The following EGLN1 variants were observed in gnomAD, a reference collection of about 807,000 sequenced individuals.
EGLN1 encodes egl-9 family hypoxia inducible factor 1.
In EGLN1, 17 loss-of-function variants were observed where a neutral mutation model predicts 38.3. The ratio of observed to expected loss-of-function variants is 0.44; its 90% confidence interval spans 0.30 to 0.67. EGLN1 has a LOEUF of 0.67. Among genes scored for constraint, EGLN1 ranks in the 30% least tolerant of loss-of-function variants. The pLI is 0.08. For synonymous variants in EGLN1, 283 were observed against 257.5 expected, an observed-to-expected ratio of 1.10 and a Z score of -0.95; for missense variants, 477 against 603.3, an observed-to-expected ratio of 0.79 and a Z score of 2.19.
At chr1:231,374,229 TAGATA>T (rs1341659104) in intron 1 of EGLN1, 130 bp from the exon 2 acceptor site, 45 of 828,556 alleles carry the variant, frequency 5.4e-5, no homozygotes, top group Middle Eastern at 3.4e-4. Flanking sequence ...TAATATTTTG[TAGATA>T]AGATAAGGCT....
chr1:231,381,528 C>T lies in EGLN1; in HGVS notation c.892-7429G>A, dbSNP rs538836659. Among the ~76,000 whole-genome samples, 17 of 152,218 alleles carry T rather than the reference C, an allele frequency of 1.1e-4. No homozygotes were observed. In the South Asian group the frequency reaches 2.1e-3, roughly 19 times the overall value. ...AATAATCTAACACCAAACTACTTTC[C>T]TTATTAGGCTCTAATTCTAGCCCAT... On this transcript the variant is annotated intron_variant, in intron 1 of 4. Coordinates refer to ENST00000366641, the MANE Select transcript of EGLN1 (RefSeq NM_022051.3).
intron 1 of EGLN1, among the ~76,000 whole-genome samples, chr1:231,414,005 T>C (rs1279739625): frequency 6.6e-6 from 1 of 152,202 alleles, no homozygotes; most frequent in Non-Finnish European, 1.5e-5. Context: ...GAGTTTTGAC[T>C]ACGAAATAAG....
chr1:231,410,481 G>T (rs549497389), intron 1 of EGLN1, among the ~76,000 whole-genome samples: 1 of 152,188 alleles, frequency 6.6e-6, no homozygotes, highest in African/African-American at 2.4e-5. Flanking sequence ...GGCAGAAGAT[G>T]TAGCTAGACT....
chr1:231,408,630 C>T (rs1401262977), intron 1 of EGLN1, among the ~76,000 whole-genome samples: 2 of 152,212 alleles, frequency 1.3e-5, no homozygotes, highest in Middle Eastern at 3.4e-3. Flanking sequence ...AAATATAATA[C>T]TTACTGAGTC....
intron 1 of EGLN1, chr1:231,420,106 A>G (rs906445005): frequency 1.3e-5 from 2 of 152,220 alleles, no homozygotes; most frequent in African/African-American, 2.4e-5. Flanking sequence ...GAGGGAATAG[A>G]CTAGGTAAGA....
chr1:231,376,637 T>C (rs963436064), intron 1 of EGLN1, among the ~76,000 whole-genome samples: 9 of 152,196 alleles, frequency 5.9e-5, no homozygotes, highest in Non-Finnish European at 1.2e-4. Context: ...GGGACTATTG[T>C]ACTATGAAAT....
Position 231,405,229 on chromosome 1 carries a change from G to T in EGLN1, c.891+15769C>A, listed in dbSNP as rs185446773. On this transcript the variant is annotated intron_variant, in intron 1 of 4. Transcript: ENST00000366641. ...GTTCTGTCGCCCAGGCTGGAGTGCG[G>T]TGGCGCTATCTGGCCTCACTGCAAG... is the stretch of plus-strand genomic sequence containing the variant. 2.0e-5 allele frequency among the ~76,000 whole-genome samples: 3 copies of T among 152,200 alleles called. No individual in the cohort carries two copies. In the East Asian group the frequency reaches 5.8e-4, roughly 30 times the overall value.
At chr1:231,408,725 A>C (rs745788668) in intron 1 of EGLN1, among the ~76,000 whole-genome samples, 17 of 152,130 alleles carry the variant, frequency 1.1e-4, no homozygotes, top group Admixed American at 1.1e-3. Flanking sequence ...GGAAATGGGA[A>C]TGGAAACCAG....
At position 231,367,597 on chromosome 1, in the gene EGLN1, T is replaced by C; in HGVS notation, c.1188A>G (p.Arg396=). ...TTAGATATTTTACTTTAGCTCGTGC[T>C]CTCTCATCTGCATCAAAATACCAAA... ...ITVWYFDADE[R]ARAKVKYLTG... The change falls in exon 4 of 5, where the codon AGA becomes AGG. Residue 396 remains arginine, a synonymous_variant. Transcript: ENST00000366641. 6.2e-7 allele frequency: 1 copy of C among 1,614,048 alleles called. No individual in the cohort carries two copies. Among genetic ancestry groups the C allele is most frequent in the Non-Finnish European group, 8.5e-7 (1 of 1,179,998 alleles).
intron 1 of EGLN1, among the ~76,000 whole-genome samples, chr1:231,388,681 GTCTC>G (rs1368727855): frequency 5.9e-5 from 9 of 151,962 alleles, no homozygotes; most frequent in South Asian, 4.2e-4. Context: ...TTGAGACGGC[GTCTC>G]TCTCTGTCGC....
intron 1 of EGLN1, among the ~76,000 whole-genome samples, chr1:231,406,504 A>G (rs1688799724): frequency 6.6e-6 from 1 of 152,094 alleles, no homozygotes; most frequent in Admixed American, 6.5e-5. Flanking sequence ...CAGACTGTAT[A>G]AGGCATATAT....
At chr1:231,380,486 C>T in intron 1 of EGLN1, among the ~76,000 whole-genome samples, 1 of 108,442 alleles carries the variant, frequency 9.2e-6, no homozygotes, top group South Asian at 3.1e-4. Flanking sequence ...TTTAAAAAGA[C>T]ATATAAGGGC....
intron 1 of EGLN1, among the ~76,000 whole-genome samples, chr1:231,383,632 C>A (rs1688126957): frequency 6.6e-6 from 1 of 152,098 alleles, no homozygotes; most frequent in Non-Finnish European, 1.5e-5. Flanking sequence ...AATAGAAAAA[C>A]TGTTGGAAGA....
In EGLN1 at chr1:231,419,139, A is replaced by G. The variant is rs1216720676; in HGVS notation, c.891+1859T>C. Among the ~76,000 whole-genome samples, 8 of 152,324 alleles carry G rather than the reference A, an allele frequency of 5.3e-5. No homozygotes were observed. The East Asian group carries it at 1.5e-3, about 29-fold the overall frequency. On this transcript the variant is annotated intron_variant, in intron 1 of 4. Transcript: ENST00000366641. ...AAATTAATATAAGCAGATCAAATCC[A>G]AAGAGTTTAAAGGTCATCCCTCCTT... is the stretch of plus-strand genomic sequence containing the variant.
intron 1 of EGLN1, 122 bp downstream of exon 1, chr1:231,420,876 A>G: frequency 1.3e-6 from 2 of 1,591,958 alleles, no homozygotes; most frequent in Non-Finnish European, 1.7e-6. Context: ...GAGCTACACA[A>G]GAAAGAGCGA....
chr1:231,370,294 C>G (rs1008734492), intron 3 of EGLN1, among the ~76,000 whole-genome samples: 13 of 152,322 alleles, frequency 8.5e-5, no homozygotes, highest in Non-Finnish European at 1.6e-4. Flanking sequence ...GGAGAGAGTG[C>G]TAGAAAGATG....
chr1:231,386,239 T>C (rs922580962), intron 1 of EGLN1, among the ~76,000 whole-genome samples: 1 of 152,236 alleles, frequency 6.6e-6, no homozygotes, highest in Non-Finnish European at 1.5e-5. Context: ...GTACAAGTTC[T>C]ATTTGTATAG....
At chr1:231,372,237 C>G (rs1687844877) in intron 2 of EGLN1, among the ~76,000 whole-genome samples, 1 of 152,240 alleles carries the variant, frequency 6.6e-6, no homozygotes, top group African/African-American at 2.4e-5. Flanking sequence ...TCTTTCTGAT[C>G]TGTATCCTCC....
chr1:231,372,891 T>G (rs975740060), intron 2 of EGLN1, among the ~76,000 whole-genome samples: 6 of 152,198 alleles, frequency 3.9e-5, no homozygotes, highest in African/African-American at 1.4e-4. Flanking sequence ...AAGAGGTTTT[T>G]TAAAGGTTAT....
Sources: gnomAD v4.1 joint callset for allele counts (sites outside exome capture counted in the v4.1 genomes callset) on GRCh38, gnomAD v4.1.1 for gene constraint, MANE v1.5 for transcripts, NCBI Gene and HGNC (gene_info 2026-07-23, HGNC 2026-07-21) for gene names.